Variants in ST7 observed in about 807,000 individuals in gnomAD.
ST7 encodes the protein suppression of tumorigenicity 7.
A neutral mutation model predicts 78.7 loss-of-function variants in ST7; 28 were observed. The observed-to-expected ratio is 0.36, with a 90% CI of 0.26 to 0.49. The LOEUF is 0.49. ST7 is among the 20% of genes least tolerant of loss of function. The pLI is 0.99. For missense variants in ST7, 418 were observed against 696.0 expected (o/e 0.60, Z 4.49); for synonymous variants, 247 against 249.6 (o/e 0.99, Z 0.10).
chr7:117,163,608 G>C (rs955225319), intron 9 of ST7, among the ~76,000 whole-genome samples: 1 of 152,062 alleles, frequency 6.6e-6, no homozygotes, highest in Admixed American at 6.6e-5. Context: ...AGAAGTATCT[G>C]TTCAGATAAT....
intron 1 of ST7, among the ~76,000 whole-genome samples, chr7:117,066,725 C>T (rs1798653198): frequency 7.0e-6 from 1 of 143,400 alleles, no homozygotes; most frequent in Non-Finnish European, 1.5e-5. Context: ...CATGTCACTG[C>T]ACTCCAGCCT....
At chr7:116,970,700 A>G (rs1793373563) in intron 1 of ST7, among the ~76,000 whole-genome samples, 1 of 152,222 alleles carries the variant, frequency 6.6e-6, no homozygotes, top group South Asian at 2.1e-4. Context: ...TATTCAGTCC[A>G]TAGCATTGTG....
At chr7:117,114,548 C>T (rs1010051407) in intron 2 of ST7, among the ~76,000 whole-genome samples, 5 of 152,184 alleles carry the variant, frequency 3.3e-5, no homozygotes, top group Non-Finnish European at 7.3e-5. Flanking sequence ...ATCTATCCTC[C>T]TGTGACATCA....
At chr7:116,990,469 A>C (rs1198143014) in intron 1 of ST7, among the ~76,000 whole-genome samples, 1 of 152,176 alleles carries the variant, frequency 6.6e-6, no homozygotes, top group Non-Finnish European at 1.5e-5. Flanking sequence ...AGGGGAAACA[A>C]CATTTTAAAA....
chr7:117,116,561 G>A (rs1039894554), intron 2 of ST7, among the ~76,000 whole-genome samples: 3 of 152,136 alleles, frequency 2.0e-5, no homozygotes, highest in Non-Finnish European at 4.4e-5. Flanking sequence ...AGTTTCAGAA[G>A]GCTTTGAGTT....
chr7:117,114,623 A>T (rs141112593), intron 2 of ST7, among the ~76,000 whole-genome samples: 17 of 152,212 alleles, frequency 1.1e-4, no homozygotes, highest in African/African-American at 3.9e-4. Context: ...TCTATTTCCC[A>T]TGGGTTTAAT....
At chr7:117,210,232 G>A (rs553389610) in intron 13 of ST7, among the ~76,000 whole-genome samples, 2 of 152,204 alleles carry the variant, frequency 1.3e-5, no homozygotes, top group Non-Finnish European at 2.9e-5. Context: ...TTGGAAACTT[G>A]GACAGCCCCA....
intron 2 of ST7, among the ~76,000 whole-genome samples, chr7:117,115,791 T>TA (rs1031461907): frequency 1.3e-5 from 2 of 152,184 alleles, no homozygotes; most frequent in African/African-American, 4.8e-5. Flanking sequence ...CTCTTTTTCA[T>TA]AAAAAACAAA....
intron 15 of ST7, among the ~76,000 whole-genome samples, chr7:117,228,197 A>G (rs971595822): frequency 4.3e-4 from 66 of 152,272 alleles, no homozygotes; most frequent in African/African-American, 1.5e-3. Context: ...CTCTTTCTCA[A>G]AAGTATTCCT....
chr7:116,953,625 T>C lies in ST7; in HGVS notation c.85T>C (p.Phe29Leu), dbSNP rs1241326087. ...GACGTATCTGTGGACCGTGTGGTTCTTCATCGTGCTATTCCTGGTCTACAT... is the reference window on the plus strand; with the variant it reads ...GACGTATCTGTGGACCGTGTGGTTCCTCATCGTGCTATTCCTGGTCTACAT... ...SWTYLWTVWF[F>L]IVLFLVYILR... is the part of the protein sequence containing the mutation. The change falls in exon 1 of 16, where the codon TTC becomes CTC. Residue 29 changes from phenylalanine (F) to leucine (L), a missense_variant. Coordinates refer to ENST00000323984, the MANE Select transcript of ST7 (RefSeq NM_001369598.1). 1 of 1,512,340 alleles carries C rather than the reference T, an allele frequency of 6.6e-7. No individual in the cohort carries two copies. Among genetic ancestry groups the C allele is most frequent in the Non-Finnish European group, 8.9e-7 (1 of 1,118,464 alleles). The allele number at this position is 1,512,340 out of a possible 1,614,324, so 93.7% of individuals were successfully genotyped here.
intron 1 of ST7, chr7:117,098,918 C>T: frequency 9.4e-7 from 1 of 1,064,002 alleles, no homozygotes; most frequent in Non-Finnish European, 1.3e-6. Context: ...TAAGTGAACC[C>T]TAATCAGTGA....
rs369831403 is a variant in ST7, at chr7:117,172,347, T to G, written c.1078+1371T>G. Among the ~76,000 whole-genome samples, 38 of 152,338 alleles carry G rather than the reference T, an allele frequency of 2.5e-4. No individual in the cohort carries two copies. The East Asian group carries it at 2.9e-3, about 12-fold the overall frequency. ...GGAACTCAGGCATTATGAGACTGTTTTTGTTTTTGTTTCATTTTCTTCAAA... is the reference window on the plus strand; with the variant it reads ...GGAACTCAGGCATTATGAGACTGTTGTTGTTTTTGTTTCATTTTCTTCAAA... On this transcript the variant is annotated intron_variant, in intron 10 of 15. Coordinates refer to ENST00000323984, the MANE Select transcript of ST7 (RefSeq NM_001369598.1).
At chr7:117,072,949 C>G (rs1360854817) in intron 1 of ST7, 2 of 152,222 alleles carry the variant, frequency 1.3e-5, no homozygotes, top group African/African-American at 4.8e-5. Context: ...TAAACCACAG[C>G]AAGAGGGAGT....
intron 1 of ST7, among the ~76,000 whole-genome samples, chr7:116,994,836 G>T (rs4727844): frequency 0.98 from 149,786 of 152,334 alleles, 73,700 homozygotes; most frequent in East Asian, 1. Context: ...TATGTGTAAT[G>T]TAAAATGAAT....
chr7:117,145,921 A>G (rs1372548070), intron 9 of ST7, among the ~76,000 whole-genome samples: 3 of 152,026 alleles, frequency 2.0e-5, no homozygotes, highest in Non-Finnish European at 4.4e-5. Flanking sequence ...CTGCTAACTA[A>G]CCCTCTGTGT....
At chr7:117,224,196 T>C (rs1315640476) in intron 15 of ST7, among the ~76,000 whole-genome samples, 3 of 152,208 alleles carry the variant, frequency 2.0e-5, no homozygotes, top group Admixed American at 1.3e-4. Context: ...TTTCCACTTA[T>C]TCCTATTCTA....
chr7:117,113,201 G>A (rs1176031657), intron 2 of ST7, among the ~76,000 whole-genome samples: 1 of 152,186 alleles, frequency 6.6e-6, no homozygotes, highest in Non-Finnish European at 1.5e-5. Context: ...CTAAGGACTA[G>A]GCATTCAGAA....
intron 1 of ST7, among the ~76,000 whole-genome samples, chr7:117,002,639 C>CTGTGTGTGTGTGTG (rs140099821): frequency 6.9e-6 from 1 of 145,830 alleles, no homozygotes; most frequent in African/African-American, 2.5e-5. Context: ...GTAGTTGAGG[C>CTGTGTGTGTGTGTG]TGTGTGTGTG....
At chr7:117,101,975 A>G (rs1801598211) in intron 2 of ST7, among the ~76,000 whole-genome samples, 1 of 152,202 alleles carries the variant, frequency 6.6e-6, no homozygotes, top group African/African-American at 2.4e-5. Flanking sequence ...GTCGCCTCTT[A>G]AATACTAATC....
Sources: gnomAD v4.1 joint callset for allele counts (sites outside exome capture counted in the v4.1 genomes callset) on GRCh38, gnomAD v4.1.1 for gene constraint, MANE v1.5 for transcripts, NCBI Gene and HGNC (gene_info 2026-07-23, HGNC 2026-07-21) for gene names.